EVC2: variants seen among roughly 807,000 people sequenced by gnomAD.
The protein encoded by EVC2 is limbin.
EVC2 carries 148 observed loss-of-function variants against 149.3 expected under a neutral mutation model. The ratio of observed to expected loss-of-function variants is 0.99; its 90% CI spans 0.87 to 1.14. The LOEUF is 1.14. Among genes scored for constraint, EVC2 ranks in the 50% most tolerant of loss-of-function variants. The pLI is 0.00. For synonymous variants in EVC2, 776 were observed against 649.9 expected (o/e 1.19, Z -2.95); for missense variants, 1,854 against 1,627.3 (o/e 1.14, Z -2.40).
chr4:5,655,039 C>G (rs1364091647), intron 9 of EVC2, among the ~76,000 whole-genome samples: 1 of 152,160 alleles, frequency 6.6e-6, no homozygotes, highest in African/African-American at 2.4e-5. Flanking sequence ...TCAACACTTG[C>G]CAAGAGAACA....
chr4:5,586,977 C>A (rs1041777829), intron 16 of EVC2, among the ~76,000 whole-genome samples: 2 of 152,042 alleles, frequency 1.3e-5, no homozygotes, highest in African/African-American at 4.8e-5. Context: ...GGCTTACACA[C>A]ATTATGCTAA....
chr4:5,653,635 T>C (rs1577211337), intron 9 of EVC2, among the ~76,000 whole-genome samples: 1 of 152,164 alleles, frequency 6.6e-6, no homozygotes, highest in East Asian at 1.9e-4. Context: ...ACTGTGAACT[T>C]TAGCTAATAA....
chr4:5,582,730 A>G (rs530600637), intron 17 of EVC2, among the ~76,000 whole-genome samples: 5 of 152,152 alleles, frequency 3.3e-5, no homozygotes, highest in East Asian at 1.9e-4. Context: ...GTAATCCCCA[A>G]TGTTGCAGGT....
At chr4:5,621,940 G>T (rs977631425) in intron 14 of EVC2, among the ~76,000 whole-genome samples, 2 of 152,160 alleles carry the variant, frequency 1.3e-5, no homozygotes, top group Non-Finnish European at 2.9e-5. Context: ...CTCAGAAGTG[G>T]AAGTCATTAC....
At chr4:5,653,618 T>C (rs539614736) in intron 9 of EVC2, among the ~76,000 whole-genome samples, 11 of 152,334 alleles carry the variant, frequency 7.2e-5, no homozygotes, top group Non-Finnish European at 1.3e-4. Context: ...TAGGGAAATC[T>C]GAACAGACTG....
In EVC2 at chr4:5,624,874, G is replaced by A. The variant is rs1577173819; in HGVS notation, c.2046+875C>T. 2.0e-5 allele frequency among the ~76,000 whole-genome samples: 3 copies of A among 152,282 alleles called. No homozygotes were observed. The South Asian group carries it at 6.2e-4, about 32-fold the overall frequency. ...GAAAGTTATTCTTCATCCCCTCCCT[G>A]CAAATGGTGTCAACCAACTACTTGC... On this transcript the variant is annotated intron_variant, in intron 13 of 21. Coordinates refer to ENST00000344408, the MANE Select transcript of EVC2 (RefSeq NM_147127.5).
chr4:5,588,912 A>G (rs1712539391), intron 16 of EVC2, among the ~76,000 whole-genome samples: 1 of 152,238 alleles, frequency 6.6e-6, no homozygotes, highest in Admixed American at 6.5e-5. Flanking sequence ...AATAACTCCC[A>G]CAAGCTTAGC....
chr4:5,657,008 C>T lies in EVC2; in HGVS notation c.1145+6099G>A, dbSNP rs755163568. 1.3e-5 allele frequency among the ~76,000 whole-genome samples: 2 copies of T among 152,160 alleles called. No individual in the cohort carries two copies. The highest frequency in any genetic ancestry group is 2.9e-5 in the Non-Finnish European group (2 of 68,024). ...AACACGGTAAGTGGCAGAACTGGGA[C>T]TCAACGCTAGCAGTCAGGCCTGGGT... On this transcript the variant is annotated intron_variant, in intron 9 of 21. Transcript: ENST00000344408. This position sits in a 1 kb window ranked among gnomAD's most constrained non-coding sequence, Gnocchi z 4.7.
intron 17 of EVC2, among the ~76,000 whole-genome samples, chr4:5,584,293 G>C (rs1712069991): frequency 6.6e-6 from 1 of 152,244 alleles, no homozygotes; most frequent in Admixed American, 6.5e-5. Flanking sequence ...CCAGTACACT[G>C]TTGCATTTAG....
At position 5,593,124 on chromosome 4, in the gene EVC2, C is replaced by A. The variant is rs536476032; in HGVS notation, c.2830-8274G>T. 1.1e-4 allele frequency among the ~76,000 whole-genome samples: 17 copies of A among 152,262 alleles called. No individual in the cohort carries two copies. In the South Asian group the frequency reaches 3.3e-3, roughly 30 times the overall value. ...GATTGTAAGTTTCTTGAGGTCTCCC[C>A]AGCCCTGCAGAACCGTGAATCAATT... On this transcript the variant is annotated intron_variant, in intron 16 of 21. Coordinates refer to ENST00000344408, the MANE Select transcript of EVC2 (RefSeq NM_147127.5).
intron 17 of EVC2, among the ~76,000 whole-genome samples, chr4:5,583,348 A>C (rs2108786501): frequency 6.6e-6 from 1 of 152,308 alleles, no homozygotes; most frequent in South Asian, 2.1e-4. Context: ...TTTGGTGTTA[A>C]AGTTATCTAG....
rs1464258175 is a variant in EVC2, at chr4:5,637,468, T to G, written c.1470+3046A>C. On this transcript the variant is annotated intron_variant, in intron 10 of 21. Coordinates refer to ENST00000344408, the MANE Select transcript of EVC2 (RefSeq NM_147127.5). The surrounding 1 kb of genome is among the most constrained non-coding windows in gnomAD (Gnocchi z 4.4). Reference sequence around the variant, plus strand: ...AACGCTAAAGAGAGTCAATGGGATGTGCTTGGAACAATGCCAGACACACCA... The same window carrying G: ...AACGCTAAAGAGAGTCAATGGGATGGGCTTGGAACAATGCCAGACACACCA... 1.3e-5 allele frequency among the ~76,000 whole-genome samples: 2 copies of G among 152,154 alleles called. No homozygotes were observed. The highest frequency in any genetic ancestry group is 6.5e-5 in the Admixed American group (1 of 15,272).
chr4:5,601,297 AT>A (rs899800649), intron 16 of EVC2, among the ~76,000 whole-genome samples: 18 of 152,298 alleles, frequency 1.2e-4, no homozygotes, highest in Non-Finnish European at 2.2e-4. Context: ...TAAAAAAAAA[AT>A]CTTTAATATT....
In EVC2 at chr4:5,614,170, G is replaced by A. The variant is rs1043627471; in HGVS notation, c.2829+1252C>T. Among the ~76,000 whole-genome samples, 1 of 152,182 alleles carries A rather than the reference G, an allele frequency of 6.6e-6. No individual in the cohort carries two copies. The highest frequency in any genetic ancestry group is 2.4e-5 in the African/African-American group (1 of 41,436). The stretch of plus-strand genomic sequence containing the variant: ...TCTTAAGCAGCACCTTTGCAGAGGA[G>A]ACCCTGCCTCCTCTCCTACCTACAG... On this transcript the variant is annotated intron_variant, in intron 16 of 21. Coordinates refer to ENST00000344408, the MANE Select transcript of EVC2 (RefSeq NM_147127.5). This position sits in a 1 kb window ranked among gnomAD's most constrained non-coding sequence, Gnocchi z 4.7.
At position 5,679,236 on chromosome 4, in the gene EVC2, C is replaced by CATTT. The variant is rs887243458; in HGVS notation, c.870+2020_870+2023dup. The stretch of plus-strand genomic sequence containing the variant: ...AACACTGTACCCTTAGGCTACACTA[C>CATTT]ATTTATTTATTTATGTTGAGACAGA... On this transcript the variant is annotated intron_variant, in intron 7 of 21. Coordinates refer to ENST00000344408, the MANE Select transcript of EVC2 (RefSeq NM_147127.5). This position sits in a 1 kb window ranked among gnomAD's most constrained non-coding sequence, Gnocchi z 5.1. 2.6e-5 allele frequency among the ~76,000 whole-genome samples: 4 copies of CATTT among 151,898 alleles called. No homozygotes were observed. The East Asian group carries it at 7.8e-4, about 30-fold the overall frequency.
At chr4:5,534,873 T>C in the EVC2 span, among the ~76,000 whole-genome samples, 1 of 137,864 alleles carries the variant, frequency 7.3e-6, no homozygotes, top group Non-Finnish European at 1.6e-5. Flanking sequence ...ACAAAGGAAA[T>C]GGTTAATGGC....
intron 16 of EVC2, among the ~76,000 whole-genome samples, chr4:5,588,350 A>G (rs1712483504): frequency 6.6e-6 from 1 of 152,166 alleles, no homozygotes; most frequent in African/African-American, 2.4e-5. Flanking sequence ...GAGCAATTTG[A>G]TTATGATGCA....
intron 16 of EVC2, among the ~76,000 whole-genome samples, chr4:5,609,255 G>A (rs1453589270): frequency 1.3e-5 from 2 of 152,114 alleles, no homozygotes. Context: ...CTGTTTCTCT[G>A]GAAAACCATG....
downstream of EVC2, among the ~76,000 whole-genome samples, chr4:5,539,932 T>C (rs542622599): frequency 6.6e-5 from 10 of 152,236 alleles, no homozygotes; most frequent in East Asian, 1.9e-3. Context: ...GCTGAAAGAA[T>C]GAAAAGACAA....
Sources: gnomAD v4.1 joint callset for allele counts (sites outside exome capture counted in the v4.1 genomes callset) on GRCh38, gnomAD v4.1.1 for gene constraint, Gnocchi (gnomAD v3.1) non-coding constraint, MANE v1.5 for transcripts, NCBI Gene and HGNC (gene_info 2026-07-23, HGNC 2026-07-21) for gene names.